The following NAALADL2 variants were observed in gnomAD, a reference collection of about 807,000 sequenced individuals.
NAALADL2 encodes the protein N-acetylated alpha-linked acidic dipeptidase like 2, also known as inactive N-acetylated-alpha-linked acidic dipeptidase-like protein 2.
A neutral mutation model predicts 87.2 loss-of-function variants in NAALADL2; 76 were observed. The ratio of observed to expected loss-of-function variants is 0.87; its 90% CI spans 0.72 to 1.05. NAALADL2 has a LOEUF of 1.05. Ranked by LOEUF, NAALADL2 falls within the 50% of genes least tolerant of loss-of-function variation. NAALADL2 has a pLI of 0.00. For synonymous variants in NAALADL2, 354 were observed against 331.0 expected (o/e 1.07, Z -0.75); for missense variants, 1,089 against 945.8 (o/e 1.15, Z -1.99).
intron 9 of NAALADL2, among the ~76,000 whole-genome samples, chr3:175,511,416 C>T (rs1203526990): frequency 6.6e-6 from 1 of 152,094 alleles, no homozygotes; most frequent in Non-Finnish European, 1.5e-5. Flanking sequence ...GGAATTTGGA[C>T]ATACAAAGAA....
At chr3:175,584,931 T>C (rs1720328502) in intron 10 of NAALADL2, among the ~76,000 whole-genome samples, 1 of 152,164 alleles carries the variant, frequency 6.6e-6, no homozygotes, top group South Asian at 2.1e-4. Context: ...ATAAACACTA[T>C]ACACATAGGC....
At chr3:175,774,659 A>G (rs1749973454) in intron 13 of NAALADL2, among the ~76,000 whole-genome samples, 1 of 152,050 alleles carries the variant, frequency 6.6e-6, no homozygotes, top group African/African-American at 2.4e-5. Flanking sequence ...ATCTGGACCT[A>G]TATAGATCTA....
At chr3:175,727,174 A>T (rs1743049240) in intron 11 of NAALADL2, among the ~76,000 whole-genome samples, 1 of 152,098 alleles carries the variant, frequency 6.6e-6, no homozygotes, top group Non-Finnish European at 1.5e-5. Flanking sequence ...GGTGCAGGGA[A>T]GGCATGCTCC....
At chr3:175,743,992 A>T (rs1048859609) in intron 12 of NAALADL2, among the ~76,000 whole-genome samples, 1 of 152,182 alleles carries the variant, frequency 6.6e-6, no homozygotes, top group Non-Finnish European at 1.5e-5. Context: ...ATCTAGAAGC[A>T]CCTCACATTA....
At chr3:174,715,176 C>G (rs1293710501) in intron 2 of NAALADL2, among the ~76,000 whole-genome samples, 1 of 152,108 alleles carries the variant, frequency 6.6e-6, no homozygotes, top group East Asian at 1.9e-4. Flanking sequence ...CAAATCAATT[C>G]TGGAAACTGT....
intron 11 of NAALADL2, among the ~76,000 whole-genome samples, chr3:175,663,451 T>G (rs1347709495): frequency 6.6e-6 from 1 of 151,842 alleles, no homozygotes; most frequent in Non-Finnish European, 1.5e-5. Context: ...TATTTTTTAG[T>G]TGTCCTTGCT....
intron 2 of NAALADL2, among the ~76,000 whole-genome samples, chr3:174,600,342 A>G (rs949873363): frequency 2.6e-5 from 4 of 152,072 alleles, no homozygotes; most frequent in African/African-American, 9.7e-5. Context: ...TTATTTAGAG[A>G]GTTCAAGAAT....
intron 4 of NAALADL2, among the ~76,000 whole-genome samples, chr3:175,309,701 T>C (rs1758131620): frequency 6.6e-6 from 1 of 152,014 alleles, no homozygotes. Flanking sequence ...TCCCTCTTTC[T>C]CTTCTTTATC....
intron 7 of NAALADL2, among the ~76,000 whole-genome samples, chr3:175,465,251 CAAA>C (rs563877269): frequency 9.5e-5 from 8 of 84,206 alleles, no homozygotes; most frequent in Admixed American, 1.4e-4. Context: ...GACTCTATCT[CAAA>C]AAAAAAAAAA....
intron 1 of NAALADL2, among the ~76,000 whole-genome samples, chr3:174,907,837 A>G (rs893977566): frequency 1.3e-5 from 2 of 152,102 alleles, no homozygotes; most frequent in South Asian, 2.1e-4. Context: ...TTCCCTGCCT[A>G]AAGAGCCAGG....
chr3:175,085,629 G>A (rs952245505), intron 1 of NAALADL2, among the ~76,000 whole-genome samples: 1 of 152,096 alleles, frequency 6.6e-6, no homozygotes, highest in Non-Finnish European at 1.5e-5. Flanking sequence ...ATGTGGTTAA[G>A]ATATAGATAT....
At chr3:174,644,119 A>T (rs1723538545) in intron 2 of NAALADL2, among the ~76,000 whole-genome samples, 1 of 152,196 alleles carries the variant, frequency 6.6e-6, no homozygotes, top group African/African-American at 2.4e-5. Context: ...ACATTTATTC[A>T]TTTATTCACT....
chr3:174,699,301 G>A (rs2034070233), intron 2 of NAALADL2, among the ~76,000 whole-genome samples: 1 of 152,056 alleles, frequency 6.6e-6, no homozygotes, highest in Non-Finnish European at 1.5e-5. Context: ...TTTGAGACCA[G>A]CCTGGCCAAT....
chr3:175,397,921 C>T lies in NAALADL2; in HGVS notation c.1091-49308C>T, dbSNP rs1055539915. On this transcript the variant is annotated intron_variant, in intron 5 of 13. Transcript: ENST00000454872. ...TTCCCTAACCACCCAGGTTGTAATC[C>T]CTGCCATGTTATTAACACAGTAAAG... Among the ~76,000 whole-genome samples, 5 of 152,070 alleles carry T rather than the reference C, an allele frequency of 3.3e-5. 1 individual carries two copies. The South Asian group carries it at 1.0e-3, about 32-fold the overall frequency.
At chr3:175,557,642 G>A (rs1164510651) in intron 9 of NAALADL2, among the ~76,000 whole-genome samples, 2 of 151,984 alleles carry the variant, frequency 1.3e-5, no homozygotes, top group Non-Finnish European at 2.9e-5. Context: ...ACAAATAAGT[G>A]AGAACACATG....
intron 1 of NAALADL2, among the ~76,000 whole-genome samples, chr3:174,457,990 G>A (rs1715959598): frequency 6.6e-6 from 1 of 152,094 alleles, no homozygotes; most frequent in Admixed American, 6.6e-5. Flanking sequence ...GCCTATTGGA[G>A]GGTAGAAGGT....
At chr3:175,725,133 G>T (rs1436717297) in intron 11 of NAALADL2, among the ~76,000 whole-genome samples, 3 of 151,900 alleles carry the variant, frequency 2.0e-5, no homozygotes, top group African/African-American at 7.2e-5. Flanking sequence ...ATTTCTAAGA[G>T]AATTTTCTCT....
chr3:175,184,864 A>G (rs188551445), intron 2 of NAALADL2, among the ~76,000 whole-genome samples: 2 of 152,238 alleles, frequency 1.3e-5, no homozygotes, highest in East Asian at 3.9e-4. Context: ...TATTCCAAAA[A>G]CTAAATGAGA....
chr3:175,076,823 A>C (rs1199579162), intron 1 of NAALADL2, among the ~76,000 whole-genome samples: 2 of 152,220 alleles, frequency 1.3e-5, no homozygotes, highest in South Asian at 2.1e-4. Context: ...CTCAAATGCA[A>C]ATACTTTAAA....
Sources: allele counts gnomAD v4.1 joint callset (sites outside exome capture counted in the v4.1 genomes callset), GRCh38; gene constraint gnomAD v4.1.1; transcripts MANE v1.5; gene names NCBI Gene and HGNC (gene_info 2026-07-23, HGNC 2026-07-21).